GTPBP6: variants seen among roughly 807,000 people sequenced by gnomAD.
GTPBP6 encodes GTP binding protein 6, also known as putative GTP-binding protein 6.
A neutral mutation model predicts 28.9 loss-of-function variants in GTPBP6; 33 were observed. That is an observed-to-expected ratio of 1.14 (90% CI 0.87 to 1.53). The LOEUF (loss-of-function observed/expected upper bound fraction) is 1.53. Ranked by LOEUF, GTPBP6 falls within the 40% of genes most tolerant of loss-of-function variation. The probability of loss-of-function intolerance (pLI) is 0.00; values close to 1 mark genes in which losing one functional copy is unlikely to be tolerated. For missense variants in GTPBP6, 507 were observed against 408.3 expected (o/e 1.24, Z -2.08); for synonymous variants, 231 against 192.7 (o/e 1.20, Z -1.65).
chrX:312,636 C>G, intron 6 of GTPBP6, 130 bp downstream of exon 6: 1 of 959,240 alleles, frequency 1.0e-6, no homozygotes, highest in Non-Finnish European at 1.6e-6. Context: ...ACCCCCTCTC[C>G]TGGGCACGTG....
In GTPBP6 at chrX:316,126, GAC is replaced by G. The variant is rs1233728366; in HGVS notation, c.487+786_487+787del. Among the ~76,000 whole-genome samples the G allele has an allele frequency of 6.5e-4, 21 of 32,166 alleles. 6 individuals are homozygous for G. Among genetic ancestry groups the G allele is most frequent in the Admixed American group, 1.2e-3 (4 of 3,302 alleles). The allele number at this position is 32,166 out of a possible 152,430, so 21.1% of individuals were successfully genotyped here. ...AGGGACACAAACACATACACACGCA[GAC>G]ACACACACACACACACACAGTAAAT... is the stretch of plus-strand genomic sequence containing the variant. On this transcript the variant is annotated intron_variant, in intron 2 of 9. Transcript: ENST00000326153.
chrX:306,355 C>A (rs1042246566), intron 9 of GTPBP6, among the ~76,000 whole-genome samples: 1 of 143,150 alleles, frequency 7.0e-6, no homozygotes, highest in African/African-American at 2.8e-5. Context: ...GTTGTATGCA[C>A]AGAAATGTAC....
At position 305,218 on chromosome X, in the gene GTPBP6, T is replaced by C. The variant is rs374545356; in HGVS notation, c.1428-21A>G. On this transcript the variant is annotated intron_variant, in intron 9 of 9. Transcript: ENST00000326153. ...GCCAGCTGGGCACAGATGCGCGTTG[T>C]ATGGAGACAAGCAGAACCCGTAAGT... is the stretch of plus-strand genomic sequence containing the variant. 12 of 1,581,862 alleles carry C rather than the reference T, an allele frequency of 7.6e-6. No individual in the cohort carries two copies. In the African/African-American group the frequency reaches 1.6e-4, roughly 21 times the overall value.
intron 7 of GTPBP6, 116 bp from the exon 8 acceptor site, chrX:307,996 A>AG: frequency 2.1e-6 from 2 of 943,156 alleles, no homozygotes; most frequent in Non-Finnish European, 2.9e-6. Context: ...TGGGCATGGG[A>AG]GGTACGCCTG....
chrX:308,092 C>G (rs973735651), intron 7 of GTPBP6, among the ~76,000 whole-genome samples: 2 of 152,120 alleles, frequency 1.3e-5, no homozygotes, highest in Non-Finnish European at 2.9e-5. Context: ...ACCCAACCTT[C>G]CAAGCCACAG....
chrX:317,569 T>TG (rs1187572118), intron 1 of GTPBP6, among the ~76,000 whole-genome samples: 4,246 of 117,624 alleles, frequency 0.036, 258 homozygotes, highest in African/African-American at 0.13. Flanking sequence ...GGGTGGGGGG[T>TG]GGGACTAGAC....
chrX:311,383 G>T, intron 7 of GTPBP6, 36 bp downstream of exon 7: 1 of 1,521,094 alleles, frequency 6.6e-7, no homozygotes. Context: ...CCGAATGGGT[G>T]TCCGAGCACC....
At chrX:314,526 G>A (rs1235929642) in intron 4 of GTPBP6, among the ~76,000 whole-genome samples, 10 of 151,456 alleles carry the variant, frequency 6.6e-5, no homozygotes, top group Admixed American at 5.9e-4. Context: ...AGGCTGGAGT[G>A]CAGTGGCGTG....
intron 1 of GTPBP6, among the ~76,000 whole-genome samples, 185 bp downstream of exon 1, chrX:318,254 A>G (rs1359189738): frequency 2.1e-5 from 3 of 146,278 alleles, no homozygotes; most frequent in African/African-American, 7.7e-5. Context: ...CTTCCTGCAG[A>G]GCCCCGCCCT....
intron 1 of GTPBP6, among the ~76,000 whole-genome samples, chrX:317,612 T>G (rs2070461770): frequency 6.6e-6 from 1 of 151,434 alleles, no homozygotes; most frequent in East Asian, 1.9e-4. Flanking sequence ...CTCCCTTCCC[T>G]GACCTCAAAC....
At chrX:305,162 T>C (rs1470761299) in exon 10 of GTPBP6, 3 of 1,613,680 alleles carry the variant, frequency 1.9e-6, no homozygotes, top group Non-Finnish European at 2.5e-6. Flanking sequence ...AGGGATCACG[T>C]CCACCTCCTG....
exon 10 of GTPBP6, chrX:304,924 T>G: frequency 6.8e-7 from 1 of 1,461,998 alleles, no homozygotes; most frequent in East Asian, 2.5e-5. Context: ...TGCACGGTCA[T>G]CCCAGCAAAT....
At chrX:318,403 C>T in intron 1 of GTPBP6, 36 bp downstream of exon 1, 1 of 398,540 alleles carries the variant, frequency 2.5e-6, no homozygotes, top group Non-Finnish European at 4.4e-6. Flanking sequence ...AGGTCTCCAG[C>T]TCCTGTTTCT....
intron 7 of GTPBP6, among the ~76,000 whole-genome samples, chrX:309,676 C>A (rs1020281864): frequency 2.6e-5 from 4 of 151,204 alleles, no homozygotes; most frequent in African/African-American, 9.8e-5. Flanking sequence ...AGCCCAGGGA[C>A]GCCTGGAGCC....
chrX:317,553 C>A lies in GTPBP6; in HGVS notation c.350-502G>T, dbSNP rs1170388703. ...AGCGACTTATTCATTTGCATTTCCT[C>A]CTGGGGGGTGGGGGGTGGGACTAGA... On this transcript the variant is annotated intron_variant, in intron 1 of 9. Coordinates refer to ENST00000326153, the Ensembl canonical transcript of GTPBP6. Among the ~76,000 whole-genome samples, 5 of 61,392 alleles carry A rather than the reference C, an allele frequency of 8.1e-5. No homozygotes were observed. In the Admixed American group the frequency reaches 9.1e-4, roughly 11 times the overall value. 40.3% of individuals were successfully genotyped at this position (61,392 alleles called of 152,430 possible).
At chrX:305,460 T>C (rs1213765543) in intron 9 of GTPBP6, among the ~76,000 whole-genome samples, 3 of 151,510 alleles carry the variant, frequency 2.0e-5, no homozygotes, top group East Asian at 2.0e-4. Context: ...TAGCTGGGAC[T>C]ACAGGTGCAT....
intron 1 of GTPBP6, among the ~76,000 whole-genome samples, 179 bp from the exon 2 acceptor site, chrX:317,230 G>C (rs1327962265): frequency 1.3e-5 from 2 of 152,112 alleles, no homozygotes; most frequent in Non-Finnish European, 2.9e-5. Context: ...AATCTGACGG[G>C]AGAAGGACAC....
chrX:311,506 C>T (rs191481880), exon 7 of GTPBP6: 2 of 1,612,306 alleles, frequency 1.2e-6, no homozygotes, highest in East Asian at 2.2e-5. Flanking sequence ...TGTCCACGTA[C>T]AGGACGGTCA....
rs777628687 is a variant in GTPBP6, at chrX:314,617, C to T, written c.689+273G>A. Among the ~76,000 whole-genome samples the T allele has an allele frequency of 2.2e-4, 33 of 152,104 alleles. No individual in the cohort carries two copies. The Middle Eastern group carries it at 0.027, about 125-fold the overall frequency. ...CCTCCTGAGTAGCTGGGATTTCAGG[C>T]GCCCGCCACCACGCCCGGCTAATTT... On this transcript the variant is annotated intron_variant, in intron 4 of 9. Transcript: ENST00000326153.
Sources: allele counts gnomAD v4.1 joint callset (sites outside exome capture counted in the v4.1 genomes callset), GRCh38; gene constraint gnomAD v4.1.1; transcripts MANE v1.5; gene names NCBI Gene and HGNC (gene_info 2026-07-23, HGNC 2026-07-21).